The following CRLF1 variants were observed in gnomAD, a reference collection of about 807,000 sequenced individuals.
The protein encoded by CRLF1 is cytokine receptor-like factor 1.
A neutral mutation model predicts 48.9 loss-of-function variants in CRLF1; 36 were observed. The ratio of observed to expected loss-of-function variants is 0.74; its 90% CI spans 0.56 to 0.97. The LOEUF (loss-of-function observed/expected upper bound fraction) is 0.97. Ranked by LOEUF, CRLF1 falls within the 50% of genes least tolerant of loss-of-function variation. The probability of loss-of-function intolerance (pLI) is 0.00; values close to 1 mark genes in which losing one functional copy is unlikely to be tolerated. For synonymous variants in CRLF1, 256 were observed against 253.4 expected (o/e 1.01, Z -0.10); for missense variants, 534 against 575.1 (o/e 0.93, Z 0.73).
In CRLF1 at chr19:18,599,783, C is replaced by A; in HGVS notation, c.179G>T (p.Cys60Phe). 1.9e-6 allele frequency: 3 copies of A among 1,584,866 alleles called. No homozygotes were observed. Among genetic ancestry groups the A allele is most frequent in the Non-Finnish European group, 1.7e-6 (2 of 1,162,796 alleles). ...LLIGSSLLATCSVHGDPPGAT... is the reference protein window; with the variant it reads ...LLIGSSLLATFSVHGDPPGAT... ...TCCTGGTGGGTCTCCGTGCACTGAG[C>A]AGGTGGCCAGCAGGGAGGAGCCGAT... Residue 60 changes from cysteine (C) to phenylalanine (F), a missense_variant, in exon 2 of 9, where the codon TGC (cysteine) becomes TTC (phenylalanine). Physicochemically the swap from Cys to Phe is radical, Grantham distance 205. Coordinates refer to ENST00000392386, the MANE Select transcript of CRLF1 (RefSeq NM_004750.5).
rs1249193783 is a variant in CRLF1 at position 18,606,110 on chromosome 19, C to T, written c.115+432G>A. Among the ~76,000 whole-genome samples, 1 of 151,416 alleles carries T rather than the reference C, an allele frequency of 6.6e-6. No individual in the cohort carries two copies. The highest frequency in any genetic ancestry group is 1.5e-5 in the Non-Finnish European group (1 of 67,724). On this transcript the variant is annotated intron_variant, in intron 1 of 8. Coordinates refer to ENST00000392386, the MANE Select transcript of CRLF1 (RefSeq NM_004750.5). This position sits in a 1 kb window ranked among gnomAD's most constrained non-coding sequence, Gnocchi z 4.8. ...GCAGCCCCGCCCTCCCCGTGGGGCT[C>T]ATCCCTCCGCCTGGGGGGGCCCGCT... is the stretch of plus-strand genomic sequence containing the variant.
intron 1 of CRLF1, 147 bp from the exon 2 acceptor site, chr19:18,599,993 G>A (rs1440416265): frequency 3.2e-6 from 3 of 933,228 alleles, no homozygotes; most frequent in African/African-American, 3.3e-5. Context: ...GTAGAGATCA[G>A]TTGGGTTAAA....
chr19:18,593,476 G>C lies in CRLF1; in HGVS notation c.*90C>G. 1 of 1,564,738 alleles carries C rather than the reference G, an allele frequency of 6.4e-7. No individual in the cohort carries two copies. Among genetic ancestry groups the C allele is most frequent in the East Asian group, 2.3e-5 (1 of 43,174 alleles). Reference sequence around the variant, plus strand: ...AGCTCCTGCTGAGGGTGGCTCAGGTGCCCTGAAGTGAGGGTACAGAGGTGG... The same window carrying C: ...AGCTCCTGCTGAGGGTGGCTCAGGTCCCCTGAAGTGAGGGTACAGAGGTGG... On this transcript the variant is annotated 3_prime_UTR_variant, in exon 9 of 9. Transcript: ENST00000392386.
intron 8 of CRLF1, 33 bp downstream of exon 8, chr19:18,594,032 T>TTGGCGGCCC: frequency 1.4e-6 from 1 of 695,814 alleles, no homozygotes; most frequent in Non-Finnish European, 2.2e-6. Flanking sequence ...CTCCCCTTGC[T>TTGGCGGCCC]CCCTCCCGCC....
chr19:18,594,045 C>CCCCCTT lies in CRLF1; in HGVS notation c.1255+19_1255+20insAAGGGG. The CCCCCTT allele has an allele frequency of 1.3e-6, 2 of 1,535,208 alleles. No homozygotes were observed. Among genetic ancestry groups the CCCCCTT allele is most frequent in the South Asian group, 2.4e-5 (2 of 83,446 alleles). ...CCCTCCCCTTGCTCCCTCCCGCCCACCCATTCAGGCCCACCTTACCTCTCG... is the reference window on the plus strand; with the variant it reads ...CCCTCCCCTTGCTCCCTCCCGCCCACCCCCTTCCATTCAGGCCCACCTTACCTCTCG... On this transcript the variant is annotated intron_variant, in intron 8 of 8. Coordinates refer to ENST00000392386, the MANE Select transcript of CRLF1 (RefSeq NM_004750.5).
chr19:18,598,739 G>A (rs1976178345), intron 3 of CRLF1, 33 bp downstream of exon 3: 1 of 1,613,920 alleles, frequency 6.2e-7, no homozygotes, highest in Non-Finnish European at 8.5e-7. Flanking sequence ...AGCCAGCCTG[G>A]GACACACACA....
In CRLF1 at chr19:18,593,303, A is replaced by G. The variant is rs373372451; in HGVS notation, c.*263T>C. ...GGGCCCTAGGTAATGGGGAGTAATG[A>G]CTCCCCTTCTCACCCCCAGCCCTGG... On this transcript the variant is annotated 3_prime_UTR_variant, in exon 9 of 9. Transcript: ENST00000392386. 1 of 534,782 alleles carries G rather than the reference A, an allele frequency of 1.9e-6. No homozygotes were observed. Among genetic ancestry groups the G allele is most frequent in the South Asian group, 2.5e-5 (1 of 40,422 alleles). The allele number at this position is 534,782 out of a possible 1,614,324, so 33.1% of individuals were successfully genotyped here.
intron 8 of CRLF1, 35 bp downstream of exon 8, chr19:18,594,030 G>GCGGGGGGCCCCCCCCCC: frequency 1.5e-6 from 2 of 1,315,308 alleles, no homozygotes; most frequent in East Asian, 2.6e-5. Context: ...CCCTCCCCTT[G>GCGGGGGGCCCCCCCCCC]CTCCCTCCCG....
intron 6 of CRLF1, among the ~76,000 whole-genome samples, chr19:18,594,640 A>G (rs1600649255): frequency 6.9e-6 from 1 of 145,152 alleles, no homozygotes; most frequent in African/African-American, 2.6e-5. Context: ...GGTGGGGGGG[A>G]GGGGGAAGGA....
Position 18,599,816 on chromosome 19 carries a change from G to C in CRLF1, c.146C>G (p.Thr49Arg), listed in dbSNP as rs367833835. ...HTAVISPQDP[T>R]LLIGSSLLAT... is the part of the protein sequence containing the mutation. ...CAGCAGGGAGGAGCCGATGAGAAGCGTGGGATCCTGGGGACTGATCACAGC... is the reference window on the plus strand; with the variant it reads ...CAGCAGGGAGGAGCCGATGAGAAGCCTGGGATCCTGGGGACTGATCACAGC... Residue 49 changes from threonine (T) to arginine (R), a missense_variant, in exon 2 of 9, where the codon ACG becomes AGG. This residue lies in a region of CRLF1 where 528 missense variants were observed against 555.7 expected (regional missense o/e 0.95). Coordinates refer to ENST00000392386, the MANE Select transcript of CRLF1 (RefSeq NM_004750.5). 6.4e-7 allele frequency: 1 copy of C among 1,565,634 alleles called. No individual in the cohort carries two copies. The highest frequency in any genetic ancestry group is 8.7e-7 in the Non-Finnish European group (1 of 1,152,176).
At position 18,593,562 on chromosome 19, in the gene CRLF1, C is replaced by T. The variant is rs1460248862; in HGVS notation, c.*4G>A. On this transcript the variant is annotated 3_prime_UTR_variant, in exon 9 of 9. Transcript: ENST00000392386. ...GCAGGGAGGGTGGCCTGAGCCCCTA[C>T]AGCTTATCTGGCAGGACCTGCAGGC... 6.2e-7 allele frequency: 1 copy of T among 1,610,368 alleles called. No individual in the cohort carries two copies. Among genetic ancestry groups the T allele is most frequent in the Non-Finnish European group, 8.5e-7 (1 of 1,178,896 alleles).
Position 18,599,543 on chromosome 19 carries a change from G to C in CRLF1, c.397+22C>G. On this transcript the variant is annotated intron_variant, in intron 2 of 8. Coordinates refer to ENST00000392386, the MANE Select transcript of CRLF1 (RefSeq NM_004750.5). The stretch of plus-strand genomic sequence containing the variant: ...TGCCGCTCCCAAGAGCTACCCCTGG[G>C]GTGTCCTGGGTGCCAACTTACGGCC... 1.9e-6 allele frequency: 3 copies of C among 1,611,758 alleles called. No homozygotes were observed. The East Asian group carries it at 6.7e-5, about 36-fold the overall frequency.
intron 1 of CRLF1, among the ~76,000 whole-genome samples, chr19:18,600,311 G>C (rs1164720762): frequency 6.6e-6 from 1 of 151,514 alleles, no homozygotes. Context: ...CAATTCTTCT[G>C]CCTCAGCCTC....
At position 18,596,906 on chromosome 19, in the gene CRLF1, T is replaced by C. The variant is rs752630628; in HGVS notation, c.841A>G (p.Ser281Gly). Residue 281 changes from serine to glycine, a missense_variant, in exon 5 of 9, where the codon AGT becomes GGT. Physicochemically the swap from Ser to Gly is moderately conservative, Grantham distance 56 (BLOSUM62 0). This residue lies in a region of CRLF1 where 528 missense variants were observed against 555.7 expected (regional missense o/e 0.95). Coordinates refer to ENST00000392386, the MANE Select transcript of CRLF1 (RefSeq NM_004750.5). ...GGGAGGGTCACCTTCCAGTCCACAC[T>C]GTCCTCCACTCGGTAGCGGATCTGG... ...KYQIRYRVED[S>G]VDWKVVDDVS... 2.3e-5 allele frequency: 37 copies of C among 1,613,954 alleles called. No homozygotes were observed. Among genetic ancestry groups the C allele is most frequent in the Admixed American group, 3.3e-5 (2 of 59,994 alleles).
chr19:18,597,197 A>C, intron 4 of CRLF1, 148 bp from the exon 5 acceptor site: 2 of 731,604 alleles, frequency 2.7e-6, no homozygotes, highest in East Asian at 5.7e-5. Context: ...CTGGTGGATT[A>C]CACGATATAT....
At position 18,598,727 on chromosome 19, in the gene CRLF1, G is replaced by A. The variant is rs542408874; in HGVS notation, c.527+45C>T. 9 of 1,613,988 alleles carry A rather than the reference G, an allele frequency of 5.6e-6. No homozygotes were observed. The East Asian group carries it at 6.7e-5, about 12-fold the overall frequency. On this transcript the variant is annotated intron_variant, in intron 3 of 8. Coordinates refer to ENST00000392386, the MANE Select transcript of CRLF1 (RefSeq NM_004750.5). ...GAGGGTCCGCGTTGGTCAAGGTCAC[G>A]CAGCCAGCCTGGGACACACACATCG...
intron 1 of CRLF1, among the ~76,000 whole-genome samples, chr19:18,605,756 G>A (rs1053382945): frequency 6.6e-6 from 1 of 152,154 alleles, no homozygotes; most frequent in African/African-American, 2.4e-5. Context: ...GAGTGCCTGA[G>A]GCCAGAAGTC....
chr19:18,597,864 G>A (rs1158434455), intron 4 of CRLF1, among the ~76,000 whole-genome samples: 5 of 152,038 alleles, frequency 3.3e-5, no homozygotes, highest in Non-Finnish European at 5.9e-5. Context: ...GGCAGGGATG[G>A]GGGCTACAAC....
rs760844216 is a variant in CRLF1, at chr19:18,597,021, G to T, written c.726C>A (p.His242Gln). 6.2e-7 allele frequency: 1 copy of T among 1,612,910 alleles called. No homozygotes were observed. The highest frequency in any genetic ancestry group is 8.5e-7 in the Non-Finnish European group (1 of 1,179,710). ...CCTCCAGGCCCCCGACGCGGCTCACGTGCACGTCGGGCGGGGGGTCCGTGG... is the reference window on the plus strand; with the variant it reads ...CCTCCAGGCCCCCGACGCGGCTCACTTGCACGTCGGGCGGGGGGTCCGTGG... Reference protein sequence around the residue: ...VVTTDPPPDVHVSRVGGLEDQ... With the variant: ...VVTTDPPPDVQVSRVGGLEDQ... Residue 242 changes from histidine (H) to glutamine (Q), a missense_variant, in exon 5 of 9, where the codon CAC (histidine) becomes CAA (glutamine). Transcript: ENST00000392386.
Sources: gnomAD v4.1 joint callset for allele counts (sites outside exome capture counted in the v4.1 genomes callset) on GRCh38, gnomAD v4.1.1 for gene constraint, gnomAD v4.1.1 regional missense constraint, Gnocchi (gnomAD v3.1) non-coding constraint, MANE v1.5 for transcripts, NCBI Gene and HGNC (gene_info 2026-07-23, HGNC 2026-07-21) for gene names.